Variants in EFNA5 observed in about 807,000 individuals in gnomAD.
EFNA5 encodes ephrin A5.
In EFNA5, 5 loss-of-function variants were observed where a neutral mutation model predicts 22.9. The observed-to-expected ratio is 0.22, with a 90% confidence interval of 0.11 to 0.46. The LOEUF is 0.46. EFNA5 is among the 20% of genes least tolerant of loss of function. The probability of loss-of-function intolerance (pLI) is 0.99; values close to 1 mark genes in which losing one functional copy is unlikely to be tolerated. For missense variants in EFNA5, 237 were observed against 293.3 expected (o/e 0.81, Z 1.40); for synonymous variants, 113 against 112.2 (o/e 1.01, Z -0.04).
At chr5:107,464,138 G>A (rs1375321720) in intron 1 of EFNA5, among the ~76,000 whole-genome samples, 1 of 152,122 alleles carries the variant, frequency 6.6e-6, no homozygotes, top group East Asian at 1.9e-4. Flanking sequence ...AATAATTGAG[G>A]CACACCCTGC....
intron 1 of EFNA5, among the ~76,000 whole-genome samples, chr5:107,439,835 T>C (rs1391760708): frequency 6.6e-6 from 1 of 152,214 alleles, no homozygotes; most frequent in East Asian, 1.9e-4. Context: ...CCATTTTACC[T>C]TTCCTTGACC....
At chr5:107,586,911 G>T (rs1487375858) in intron 1 of EFNA5, among the ~76,000 whole-genome samples, 1 of 152,170 alleles carries the variant, frequency 6.6e-6, no homozygotes, top group African/African-American at 2.4e-5. Context: ...AAAAATAATT[G>T]TAAGAGTTAA....
intron 1 of EFNA5, among the ~76,000 whole-genome samples, chr5:107,665,616 G>C (rs1044659716): frequency 6.6e-6 from 1 of 152,182 alleles, no homozygotes; most frequent in Admixed American, 6.5e-5. Flanking sequence ...AAATTAGACT[G>C]TATAGCCAAA....
intron 1 of EFNA5, among the ~76,000 whole-genome samples, chr5:107,592,143 T>G (rs1414484288): frequency 7.4e-6 from 1 of 135,728 alleles, no homozygotes; most frequent in Non-Finnish European, 1.5e-5. Context: ...AATAAATGAG[T>G]CAATGAAGAA....
chr5:107,581,850 G>C (rs967052708), intron 1 of EFNA5, among the ~76,000 whole-genome samples: 2 of 152,158 alleles, frequency 1.3e-5, no homozygotes, highest in African/African-American at 4.8e-5. Context: ...TATCATTTTA[G>C]CAGCAAAAAC....
At chr5:107,617,790 A>G (rs1406002715) in intron 1 of EFNA5, among the ~76,000 whole-genome samples, 1 of 152,176 alleles carries the variant, frequency 6.6e-6, no homozygotes, top group African/African-American at 2.4e-5. Flanking sequence ...TGGAAACACA[A>G]TACAGTTTAA....
intron 1 of EFNA5, among the ~76,000 whole-genome samples, chr5:107,631,438 A>G (rs1750248783): frequency 6.6e-6 from 1 of 152,108 alleles, no homozygotes. Context: ...CACACAATAT[A>G]CAAATTTTGC....
intron 1 of EFNA5, among the ~76,000 whole-genome samples, chr5:107,442,918 T>A (rs1749293050): frequency 8.0e-6 from 1 of 125,028 alleles, no homozygotes; most frequent in South Asian, 2.6e-4. Flanking sequence ...GAGCGAAAGT[T>A]CCCCAGGTAC....
chr5:107,509,485 AT>A (rs35228224), intron 1 of EFNA5, among the ~76,000 whole-genome samples: 39,640 of 125,084 alleles, frequency 0.32, 5,100 homozygotes, highest in East Asian at 0.59. Flanking sequence ...TGCTTGGCTA[AT>A]TTTTTTTTTT....
At chr5:107,527,790 T>C (rs1385640688) in intron 1 of EFNA5, among the ~76,000 whole-genome samples, 4 of 151,856 alleles carry the variant, frequency 2.6e-5, no homozygotes, top group Non-Finnish European at 4.4e-5. Flanking sequence ...ATATAACAGA[T>C]AGGAAAACCA....
At chr5:107,591,914 A>T (rs28405828) in intron 1 of EFNA5, among the ~76,000 whole-genome samples, 99 of 6,986 alleles carry the variant, frequency 0.014, 8 homozygotes, top group African/African-American at 0.12. Context: ...ATAATATAAA[A>T]AATATATATA....
intron 1 of EFNA5, among the ~76,000 whole-genome samples, chr5:107,562,516 G>A (rs1377292969): frequency 6.6e-6 from 1 of 152,096 alleles, no homozygotes; most frequent in Non-Finnish European, 1.5e-5. Context: ...ATTTTGACTT[G>A]AGAATCAAAG....
rs114645800 is a variant in EFNA5, at chr5:107,392,072, T to C, written c.419-4301A>G. On this transcript the variant is annotated intron_variant, in intron 2 of 4. Transcript: ENST00000333274. ...TAAAAGTTATATTTAGCAATGCAAA[T>C]ATATGTAACATTCATACCACAATTC... is the stretch of plus-strand genomic sequence containing the variant. Among the ~76,000 whole-genome samples, 301 of 152,270 alleles carry C rather than the reference T, an allele frequency of 2.0e-3. 1 individual carries two copies. Among genetic ancestry groups the C allele is most frequent in the African/African-American group, 6.9e-3 (288 of 41,552 alleles).
At chr5:107,651,710 CAT>C (rs1459221540) in intron 1 of EFNA5, among the ~76,000 whole-genome samples, 1 of 150,628 alleles carries the variant, frequency 6.6e-6, no homozygotes. Context: ...GCTTAATCCA[CAT>C]GTCAGGGAAA....
chr5:107,574,728 T>C (rs685820), intron 1 of EFNA5, among the ~76,000 whole-genome samples: 65,334 of 152,042 alleles, frequency 0.43, 14,629 homozygotes, highest in Non-Finnish European at 0.48. Context: ...ATGCCTGTCT[T>C]TAAAAGATCT....
chr5:107,579,038 A>G (rs1201152746), intron 1 of EFNA5, among the ~76,000 whole-genome samples: 2 of 152,188 alleles, frequency 1.3e-5, no homozygotes, highest in Non-Finnish European at 2.9e-5. Context: ...CACATGAAGC[A>G]CACTGTGGCC....
At chr5:107,511,419 T>A (rs980759526) in intron 1 of EFNA5, among the ~76,000 whole-genome samples, 1 of 152,148 alleles carries the variant, frequency 6.6e-6, no homozygotes, top group African/African-American at 2.4e-5. Flanking sequence ...TAAATGGATG[T>A]ATGGAATATT....
At chr5:107,531,327 G>A (rs1198016812) in intron 1 of EFNA5, among the ~76,000 whole-genome samples, 1 of 152,178 alleles carries the variant, frequency 6.6e-6, no homozygotes, top group Non-Finnish European at 1.5e-5. Context: ...CGTATAGCCA[G>A]ACCACGTACT....
intron 2 of EFNA5, among the ~76,000 whole-genome samples, chr5:107,392,876 C>T (rs1302623131): frequency 6.6e-6 from 1 of 152,220 alleles, no homozygotes; most frequent in East Asian, 1.9e-4. Context: ...TACAAGTCCA[C>T]TTAAAATATG....
Sources: gnomAD v4.1 joint callset for allele counts (sites outside exome capture counted in the v4.1 genomes callset) on GRCh38, gnomAD v4.1.1 for gene constraint, MANE v1.5 for transcripts, NCBI Gene and HGNC (gene_info 2026-07-23, HGNC 2026-07-21) for gene names.